Variants in VGLL4 observed in about 807,000 individuals in gnomAD.
The protein encoded by VGLL4 is transcription cofactor vestigial-like protein 4.
Under a neutral mutation model 21.0 loss-of-function variants are expected in VGLL4, and 7 were observed. The ratio of observed to expected loss-of-function variants is 0.33; its 90% confidence interval spans 0.19 to 0.63. The LOEUF is 0.63. VGLL4 is among the 20% of genes least tolerant of loss of function. The pLI, the probability that VGLL4 is intolerant of heterozygous loss-of-function variation, is 0.78. For missense variants in VGLL4, 394 were observed against 425.7 expected (o/e 0.93, Z 0.66); for synonymous variants, 222 against 173.2 (o/e 1.28, Z -2.21).
chr3:11,650,836 T>A (rs2075860279), intron 2 of VGLL4, among the ~76,000 whole-genome samples: 1 of 152,034 alleles, frequency 6.6e-6, no homozygotes. Flanking sequence ...AGCTAAAGCA[T>A]CAGTTAAACA....
chr3:11,643,697 A>G lies in VGLL4; in HGVS notation c.-179T>C. Reference sequence around the variant, plus strand: ...AAAAAAAAAAATCAGGCACAAAAAAATCGAGCTCACACGAAACCCTTCAAG... The same window carrying G: ...AAAAAAAAAAATCAGGCACAAAAAAGTCGAGCTCACACGAAACCCTTCAAG... On this transcript the variant is annotated 5_prime_UTR_variant, in exon 1 of 5. Coordinates refer to ENST00000430365, the MANE Select transcript of VGLL4 (RefSeq NM_001128219.3). The G allele has an allele frequency of 7.0e-7, 1 of 1,427,874 alleles. No homozygotes were observed. 88.5% of individuals were successfully genotyped at this position (1,427,874 alleles called of 1,614,324 possible).
intron 1 of VGLL4, among the ~76,000 whole-genome samples, chr3:11,714,047 T>C (rs918821898): frequency 4.6e-5 from 7 of 151,994 alleles, no homozygotes; most frequent in Non-Finnish European, 1.0e-4. Flanking sequence ...GTGACAAAAA[T>C]CCTCGGTTAT....
At chr3:11,593,613 G>C (rs1051774457) in intron 2 of VGLL4, among the ~76,000 whole-genome samples, 1 of 152,202 alleles carries the variant, frequency 6.6e-6, no homozygotes, top group Non-Finnish European at 1.5e-5. Flanking sequence ...AATGAAGGAT[G>C]AAAGGACAAT....
At position 11,581,524 on chromosome 3, in the gene VGLL4, A is replaced by G. The variant is rs183230221; in HGVS notation, c.273-16505T>C. On this transcript the variant is annotated intron_variant, in intron 2 of 4. Coordinates refer to ENST00000430365, the MANE Select transcript of VGLL4 (RefSeq NM_001128219.3). Reference sequence around the variant, plus strand: ...CCATTTTCAACCCAGCTTCATTCGGAACAAGGAGGGGACAAAAGGGTGGGA... The same window carrying G: ...CCATTTTCAACCCAGCTTCATTCGGGACAAGGAGGGGACAAAAGGGTGGGA... 5.9e-4 allele frequency among the ~76,000 whole-genome samples: 90 copies of G among 152,294 alleles called. 1 individual carries two copies. The East Asian group carries it at 0.015, about 25-fold the overall frequency.
intron 2 of VGLL4, among the ~76,000 whole-genome samples, chr3:11,688,516 T>A (rs1009192306): frequency 5.9e-5 from 9 of 152,252 alleles, no homozygotes; most frequent in African/African-American, 2.2e-4. Context: ...TTTGGTTACA[T>A]GTGCATATAT....
In VGLL4 at chr3:11,601,930, G is replaced by C; in HGVS notation, c.175C>G (p.Pro59Ala). ...SHRTGPPPIS[P>A]SKRKFSMEPG... Reference sequence around the variant, plus strand: ...TCCATGCTGAACTTCCTCTTGCTGGGGCTGATTGGGGGAGGGCCGGTGCGG... The same window carrying C: ...TCCATGCTGAACTTCCTCTTGCTGGCGCTGATTGGGGGAGGGCCGGTGCGG... Residue 59 changes from proline (P) to alanine (A), a missense_variant, in exon 2 of 5, where the codon CCC becomes GCC. Coordinates refer to ENST00000430365, the MANE Select transcript of VGLL4 (RefSeq NM_001128219.3). 1 of 1,613,642 alleles carries C rather than the reference G, an allele frequency of 6.2e-7. No individual in the cohort carries two copies. The highest frequency in any genetic ancestry group is 8.5e-7 in the Non-Finnish European group (1 of 1,179,824).
chr3:11,562,344 G>A (rs1229220248), intron 3 of VGLL4, among the ~76,000 whole-genome samples: 1 of 152,100 alleles, frequency 6.6e-6, no homozygotes, highest in East Asian at 1.9e-4. Flanking sequence ...TGCCCCTCTG[G>A]GAACTTTCCT....
At chr3:11,683,965 C>T (rs1182833977) in intron 2 of VGLL4, among the ~76,000 whole-genome samples, 1 of 152,174 alleles carries the variant, frequency 6.6e-6, no homozygotes, top group East Asian at 1.9e-4. Context: ...AATCCCAGAA[C>T]TTTAGGAGGC....
intron 1 of VGLL4, among the ~76,000 whole-genome samples, chr3:11,636,558 T>C (rs1480902351): frequency 6.6e-6 from 1 of 152,216 alleles, no homozygotes; most frequent in East Asian, 1.9e-4. Flanking sequence ...GTCCCTGGAT[T>C]AAGATCCAAA....
intron 2 of VGLL4, among the ~76,000 whole-genome samples, chr3:11,582,134 C>A: frequency 6.6e-6 from 1 of 152,224 alleles, no homozygotes; most frequent in Non-Finnish European, 1.5e-5. Flanking sequence ...GAAGGAAAAT[C>A]ACTGCTGTCC....
In VGLL4 at chr3:11,568,862, G is replaced by T. The variant is rs1390956641; in HGVS notation, c.273-3843C>A. ...GTGGCTCCGTGCCAGGCCTATCAGA[G>T]CCGCTGAGGCTGCACGGCACCCGGC... is the stretch of plus-strand genomic sequence containing the variant. On this transcript the variant is annotated intron_variant, in intron 2 of 4. Coordinates refer to ENST00000430365, the MANE Select transcript of VGLL4 (RefSeq NM_001128219.3). The surrounding 1 kb of genome is among the most constrained non-coding windows in gnomAD (Gnocchi z 5.9). 1.5e-6 allele frequency: 2 copies of T among 1,372,434 alleles called. No individual in the cohort carries two copies. Among genetic ancestry groups the T allele is most frequent in the East Asian group, 5.8e-5 (2 of 34,660 alleles). 85.0% of individuals were successfully genotyped at this position (1,372,434 alleles called of 1,614,324 possible). A position where few individuals can be genotyped will look rare whatever the true frequency, so the allele number is the denominator to read the frequency against.
chr3:11,691,903 T>A (rs996012537), intron 2 of VGLL4, among the ~76,000 whole-genome samples: 20 of 151,120 alleles, frequency 1.3e-4, no homozygotes, highest in African/African-American at 4.4e-4. Flanking sequence ...ACTGGAGATG[T>A]TCACACCAGA....
At chr3:11,605,742 G>A (rs1019992148) in intron 1 of VGLL4, among the ~76,000 whole-genome samples, 1 of 152,210 alleles carries the variant, frequency 6.6e-6, no homozygotes, top group Admixed American at 6.5e-5. Flanking sequence ...ACAGTGCAGA[G>A]CACAACTGAC....
intron 2 of VGLL4, among the ~76,000 whole-genome samples, chr3:11,586,021 C>G (rs1422503535): frequency 6.6e-6 from 1 of 152,110 alleles, no homozygotes; most frequent in Non-Finnish European, 1.5e-5. Context: ...AACCCTTCCC[C>G]CTGCAAAGTG....
At chr3:11,614,982 A>G (rs1331749672) in intron 1 of VGLL4, among the ~76,000 whole-genome samples, 2 of 152,216 alleles carry the variant, frequency 1.3e-5, no homozygotes, top group Admixed American at 1.3e-4. Flanking sequence ...TTCACCTATC[A>G]TAAGCATTTT....
intron 1 of VGLL4, among the ~76,000 whole-genome samples, chr3:11,713,081 T>C (rs2076870395): frequency 6.6e-6 from 1 of 152,120 alleles, no homozygotes; most frequent in African/African-American, 2.4e-5. Context: ...CTGAGGACTT[T>C]GAGATCCACG....
chr3:11,656,026 G>A (rs972806490), intron 2 of VGLL4, among the ~76,000 whole-genome samples: 2 of 152,184 alleles, frequency 1.3e-5, no homozygotes, highest in African/African-American at 4.8e-5. Flanking sequence ...AAGAAGGAGC[G>A]AACTGAAGAA....
intron 2 of VGLL4, among the ~76,000 whole-genome samples, chr3:11,678,050 T>C (rs981100203): frequency 1.3e-5 from 2 of 152,110 alleles, no homozygotes; most frequent in Admixed American, 6.5e-5. Context: ...AGAGGCTCCC[T>C]AGTTTGCTTT....
At chr3:11,627,574 G>A (rs2075380385) in intron 1 of VGLL4, among the ~76,000 whole-genome samples, 1 of 129,426 alleles carries the variant, frequency 7.7e-6, no homozygotes, top group Admixed American at 8.9e-5. Context: ...CAGCCTGAGT[G>A]ACAAGAGTGA....
Sources: gnomAD v4.1 joint callset for allele counts (sites outside exome capture counted in the v4.1 genomes callset) on GRCh38, gnomAD v4.1.1 for gene constraint, Gnocchi (gnomAD v3.1) non-coding constraint, MANE v1.5 for transcripts, NCBI Gene and HGNC (gene_info 2026-07-23, HGNC 2026-07-21) for gene names.